BCKDK: variants seen among roughly 807,000 people sequenced by gnomAD.
BCKDK encodes the protein branched-chain alpha-ketoacid dehydrogenase kinase.
BCKDK carries 28 observed loss-of-function variants against 43.9 expected under a neutral mutation model. That is an observed-to-expected ratio of 0.64 (90% CI 0.47 to 0.87). The LOEUF is 0.87. Ranked by LOEUF, BCKDK falls within the 40% of genes least tolerant of loss-of-function variation. The pLI is 0.00. For synonymous variants in BCKDK, 257 were observed against 234.3 expected, an observed-to-expected ratio of 1.10 and a Z score of -0.88; for missense variants, 483 against 581.4, an observed-to-expected ratio of 0.83 and a Z score of 1.74.
At position 31,109,300 on chromosome 16, in the gene BCKDK, C is replaced by G. The variant is rs761345355; in HGVS notation, c.77C>G (p.Ala26Gly). 1.2e-6 allele frequency: 2 copies of G among 1,605,156 alleles called. No homozygotes were observed. The highest frequency in any genetic ancestry group is 1.3e-5 in the African/African-American group (1 of 74,780). ...CGGCCCCTCCTGGGACCCGCACTCG[C>G]GCTCCGGGCCCGCTCGACGTCGGCC... ...PLRPLLGPAL[A>G]LRARSTSATD... Residue 26 changes from alanine to glycine, a missense_variant, in exon 2 of 12, where the codon GCG (alanine) becomes GGG (glycine). Physicochemically the swap from Ala to Gly is moderately conservative, Grantham distance 60 (BLOSUM62 0). Coordinates refer to ENST00000219794, the MANE Select transcript of BCKDK (RefSeq NM_005881.4). This position sits in a 1 kb window ranked among gnomAD's most constrained non-coding sequence, Gnocchi z 5.3.
In BCKDK at chr16:31,112,235, C is replaced by T. The variant is rs377552512; in HGVS notation, c.1209C>T (p.Ile403=). ...GTDVYLRLRH[I]DGREESFRI ...ACGTCTACCTGCGGCTCCGCCACAT[C>T]GATGGCCGGGAGGAAAGCTTCCGGA... The change falls in exon 12 of 12, where the codon ATC becomes ATT. Residue 403 remains isoleucine (I), a synonymous_variant. Transcript: ENST00000219794. This position sits in a 1 kb window ranked among gnomAD's most constrained non-coding sequence, Gnocchi z 5.0. 2.0e-5 allele frequency: 32 copies of T among 1,611,012 alleles called. No individual in the cohort carries two copies. The East Asian group carries it at 4.5e-4, about 22-fold the overall frequency.
At position 31,109,927 on chromosome 16, in the gene BCKDK, G is replaced by A. The variant is rs910902195; in HGVS notation, c.375+144G>A. 9.5e-6 allele frequency: 13 copies of A among 1,370,224 alleles called. No homozygotes were observed. In the East Asian group the frequency reaches 1.2e-4, roughly 12 times the overall value. 84.9% of individuals were successfully genotyped at this position (1,370,224 alleles called of 1,614,324 possible). ...AACCCCAGGCCTTCAGAAGCCAAAG[G>A]TGTGTATTCACGGAGCCTGGAAGGG... On this transcript the variant is annotated intron_variant, in intron 4 of 11. Coordinates refer to ENST00000219794, the MANE Select transcript of BCKDK (RefSeq NM_005881.4). This position sits in a 1 kb window ranked among gnomAD's most constrained non-coding sequence, Gnocchi z 5.3.
In BCKDK at chr16:31,110,619, TCCGAAGTTG is replaced by T; in HGVS notation, c.643-66_643-58del. 1 of 1,594,016 alleles carries T rather than the reference TCCGAAGTTG, an allele frequency of 6.3e-7. No homozygotes were observed. The highest frequency in any genetic ancestry group is 2.2e-5 in the East Asian group (1 of 44,756). ...TGTGGGGCTGGTGCTTTGGGGCAGT[TCCGAAGTTG>T]CCAGCATCTTGGGGTGGGGCTAGGG... is the stretch of plus-strand genomic sequence containing the variant. On this transcript the variant is annotated intron_variant, in intron 7 of 11. Coordinates refer to ENST00000219794, the MANE Select transcript of BCKDK (RefSeq NM_005881.4). The surrounding 1 kb of genome is among the most constrained non-coding windows in gnomAD (Gnocchi z 5.4).
chr16:31,116,599 G>A (rs1437494460), downstream of BCKDK, among the ~76,000 whole-genome samples: 4 of 151,800 alleles, frequency 2.6e-5, no homozygotes, highest in African/African-American at 9.7e-5. Flanking sequence ...CCCAAATAGG[G>A]GAAGTAGTCT....
downstream of BCKDK, chr16:31,117,396 A>AT (rs1313730304): frequency 1.5e-4 from 34 of 230,038 alleles, no homozygotes; most frequent in Non-Finnish European, 6.7e-5. Context: ...AAATAAATAA[A>AT]TAAATTAAAA....
At position 31,109,872 on chromosome 16, in the gene BCKDK, G is replaced by T; in HGVS notation, c.375+89G>T. 2 of 1,452,208 alleles carry T rather than the reference G, an allele frequency of 1.4e-6. No homozygotes were observed. The allele number at this position is 1,452,208 out of a possible 1,614,324, so 90.0% of individuals were successfully genotyped here. A position where few individuals can be genotyped will look rare whatever the true frequency, so the allele number is the denominator to read the frequency against. On this transcript the variant is annotated intron_variant, in intron 4 of 11. Coordinates refer to ENST00000219794, the MANE Select transcript of BCKDK (RefSeq NM_005881.4). This position sits in a 1 kb window ranked among gnomAD's most constrained non-coding sequence, Gnocchi z 5.3. ...GGCCCAGAGTGGCAGACGATTGCTT[G>T]CCTAAAGGTGTCAGGGCCACACAGG...
chr16:31,114,285 G>A (rs753300608), downstream of BCKDK, among the ~76,000 whole-genome samples: 1 of 84,138 alleles, frequency 1.2e-5, no homozygotes, highest in Admixed American at 1.2e-4. Flanking sequence ...TGCAACCTCC[G>A]CCCCACCCCC....
chr16:31,110,981 A>G lies in BCKDK; in HGVS notation c.717-110A>G. ...CAGCAGTACTGCCTAGTTGTGACAA[A>G]CAAAAATGTCTCTGCACATTGCCAT... On this transcript the variant is annotated intron_variant, in intron 8 of 11. Coordinates refer to ENST00000219794, the MANE Select transcript of BCKDK (RefSeq NM_005881.4). The surrounding 1 kb of genome is among the most constrained non-coding windows in gnomAD (Gnocchi z 5.4). The G allele has an allele frequency of 6.5e-7, 1 of 1,538,478 alleles. No individual in the cohort carries two copies. Among genetic ancestry groups the G allele is most frequent in the Non-Finnish European group, 8.8e-7 (1 of 1,135,248 alleles).
At chr16:31,114,301 A>G (rs1021298353), downstream of BCKDK, among the ~76,000 whole-genome samples, 1 of 50,102 alleles carries the variant, frequency 2.0e-5, no homozygotes, top group African/African-American at 7.3e-5. Flanking sequence ...CCCCCCCCCA[A>G]CCCCAGGTTC....
In BCKDK at chr16:31,111,975, C is replaced by G. The variant is rs761640047; in HGVS notation, c.1042C>G (p.Leu348Val). The change falls in exon 11 of 12, where the codon CTC (leucine) becomes GTC (valine). Residue 348 changes from leucine (L) to valine (V), a missense_variant. Coordinates refer to ENST00000219794, the MANE Select transcript of BCKDK (RefSeq NM_005881.4). The part of the protein sequence containing the change: ...ASTQDPRISP[L>V]FGHLDMHSGA... ...CACACAGGACCCCCGGATCAGCCCC[C>G]TCTTTGGCCATCTGGACATGCATAG... 1 of 1,614,154 alleles carries G rather than the reference C, an allele frequency of 6.2e-7. No individual in the cohort carries two copies. Among genetic ancestry groups the G allele is most frequent in the South Asian group, 1.1e-5 (1 of 91,084 alleles).
rs531591891 is a variant in BCKDK at position 31,112,004 on chromosome 16, C to T, written c.1071C>T (p.Gly357=). The part of the protein sequence containing the change: ...PLFGHLDMHS[G]AQSGPMHGFG... Reference sequence around the variant, plus strand: ...TTGGCCATCTGGACATGCATAGTGGCGCCCAGTCAGGACCCATGCACGGGT... The same window carrying T: ...TTGGCCATCTGGACATGCATAGTGGTGCCCAGTCAGGACCCATGCACGGGT... The change falls in exon 11 of 12, where the codon GGC becomes GGT. Residue 357 remains glycine, a synonymous_variant. Coordinates refer to ENST00000219794, the MANE Select transcript of BCKDK (RefSeq NM_005881.4). The surrounding 1 kb of genome is among the most constrained non-coding windows in gnomAD (Gnocchi z 5.0). The T allele has an allele frequency of 2.0e-5, 32 of 1,613,970 alleles. No homozygotes were observed. The highest frequency in any genetic ancestry group is 1.6e-4 in the Middle Eastern group (1 of 6,084).
Position 31,111,346 on chromosome 16 carries a change from G to A in BCKDK, c.892G>A (p.Val298Met). 1.2e-6 allele frequency: 2 copies of A among 1,614,198 alleles called. No homozygotes were observed. The highest frequency in any genetic ancestry group is 3.3e-4 in the Middle Eastern group (2 of 6,062). The part of the protein sequence containing the change: ...HLDTPYNVPD[V>M]VITIANNDVD... Reference sequence around the variant, plus strand: ...AGACACTCCCTACAATGTCCCAGATGTGGTCATCACCATCGCCAACAATGA... The same window carrying A: ...AGACACTCCCTACAATGTCCCAGATATGGTCATCACCATCGCCAACAATGA... The change falls in exon 10 of 12, where the codon GTG (valine) becomes ATG (methionine). Residue 298 changes from valine to methionine, a missense_variant. Physicochemically the swap from Val to Met is conservative, Grantham distance 21 (BLOSUM62 1). Coordinates refer to ENST00000219794, the MANE Select transcript of BCKDK (RefSeq NM_005881.4).
At chr16:31,111,749 G>C (rs914102273) in intron 10 of BCKDK, 120 bp from the exon 11 acceptor site, 425 of 1,363,838 alleles carry the variant, frequency 3.1e-4, no homozygotes, top group Middle Eastern at 1.8e-3. Flanking sequence ...GGGTCTAGGT[G>C]GACCACATTC....
At chr16:31,114,727 ATGAT>A (rs751803656), downstream of BCKDK, among the ~76,000 whole-genome samples, 1 of 152,168 alleles carries the variant, frequency 6.6e-6, no homozygotes, top group Non-Finnish European at 1.5e-5. Flanking sequence ...ACATAGTTAT[ATGAT>A]TGATAGTTAT....
In BCKDK at chr16:31,110,816, G is replaced by C; in HGVS notation, c.716+55G>C. 6.3e-7 allele frequency: 1 copy of C among 1,580,000 alleles called. No homozygotes were observed. The highest frequency in any genetic ancestry group is 8.7e-7 in the Non-Finnish European group (1 of 1,149,480). On this transcript the variant is annotated intron_variant, in intron 8 of 11. Transcript: ENST00000219794. This position sits in a 1 kb window ranked among gnomAD's most constrained non-coding sequence, Gnocchi z 5.4. The stretch of plus-strand genomic sequence containing the variant: ...AGACATCTGGGGCAGGGAAGGCTTG[G>C]GTCTGAGCCCTTGCCCGGGGCATGA...
chr16:31,116,396 A>G (rs2057446088), downstream of BCKDK, among the ~76,000 whole-genome samples: 1 of 151,178 alleles, frequency 6.6e-6, no homozygotes, highest in African/African-American at 2.4e-5. Flanking sequence ...TATTTTTAGT[A>G]GAGACGGAGT....
rs1349905278 is a variant in BCKDK at position 31,110,009 on chromosome 16, G to T, written c.376-68G>T. On this transcript the variant is annotated intron_variant, in intron 4 of 11. Coordinates refer to ENST00000219794, the MANE Select transcript of BCKDK (RefSeq NM_005881.4). This position sits in a 1 kb window ranked among gnomAD's most constrained non-coding sequence, Gnocchi z 5.4. ...AGCTGGGTGGTGATCCCCATGGGTA[G>T]GTGGGGGTGGCTGTTCTCTGCTCAG... 3.1e-6 allele frequency: 5 copies of T among 1,598,468 alleles called. No homozygotes were observed. In the East Asian group the frequency reaches 8.9e-5, roughly 29 times the overall value.
At position 31,109,522 on chromosome 16, in the gene BCKDK, C is replaced by G. The variant is rs755023150; in HGVS notation, c.207C>G (p.Arg69=). Reference sequence around the variant, plus strand: ...CTCTCCCTCTCTAGCCCTCAGTCCGCCTAACGCCCACCATGATGCTCTACG... The same window carrying G: ...CTCTCCCTCTCTAGCCCTCAGTCCGGCTAACGCCCACCATGATGCTCTACG... ...IDAAAEKPSV[R]LTPTMMLYAG... is the part of the protein sequence containing the mutation. Residue 69 remains arginine, a synonymous_variant, in exon 3 of 12, where the codon CGC becomes CGG. Transcript: ENST00000219794. The surrounding 1 kb of genome is among the most constrained non-coding windows in gnomAD (Gnocchi z 5.3). The G allele has an allele frequency of 2.5e-6, 4 of 1,614,022 alleles. No homozygotes were observed. In the Admixed American group the frequency reaches 6.7e-5, roughly 27 times the overall value.
chr16:31,117,609 G>C, downstream of BCKDK: 1 of 1,212,098 alleles, frequency 8.3e-7, no homozygotes, highest in Non-Finnish European at 1.1e-6. Context: ...TGAGGAGCCC[G>C]CCCCACGCAC....
Sources: allele counts gnomAD v4.1 joint callset (sites outside exome capture counted in the v4.1 genomes callset), GRCh38; gene constraint gnomAD v4.1.1; non-coding constraint Gnocchi (gnomAD v3.1); transcripts MANE v1.5; gene names NCBI Gene and HGNC (gene_info 2026-07-23, HGNC 2026-07-21).